Variants in BBS1 observed in about 807,000 individuals in gnomAD.
The protein encoded by BBS1 is BBSome complex member BBS1.
A neutral mutation model predicts 73.9 loss-of-function variants in BBS1; 60 were observed. That is an observed-to-expected ratio of 0.81 (90% CI 0.66 to 1.01). The LOEUF (loss-of-function observed/expected upper bound fraction) is 1.01, where lower values mean the gene tolerates loss of function less well. Among genes scored for constraint, BBS1 ranks in the 50% least tolerant of loss-of-function variants. BBS1 has a pLI of 0.00. For missense variants in BBS1, 718 were observed against 770.3 expected, an observed-to-expected ratio of 0.93 and a Z score of 0.80; for synonymous variants, 283 against 317.4, an observed-to-expected ratio of 0.89 and a Z score of 1.15.
At chr11:66,512,020 G>GTATATATA (rs1565280720) in intron 3 of BBS1, among the ~76,000 whole-genome samples, 116 of 143,244 alleles carry the variant, frequency 8.1e-4, no homozygotes, top group African/African-American at 2.9e-3. Context: ...ATATATATAT[G>GTATATATA]TGTATATATA....
At chr11:66,517,962 C>CTT (rs543068799) in intron 7 of BBS1, among the ~76,000 whole-genome samples, 1 of 136,162 alleles carries the variant, frequency 7.3e-6, no homozygotes, top group Non-Finnish European at 1.6e-5. Flanking sequence ...TTTTTCTTTT[C>CTT]TTTTTTTTTT....
At chr11:66,531,079 G>C in intron 15 of BBS1, 51 bp downstream of exon 15, 1 of 1,610,340 alleles carries the variant, frequency 6.2e-7, no homozygotes, top group Middle Eastern at 1.7e-4. Flanking sequence ...CAGGGCAGGG[G>C]CCTGATGAGA....
At chr11:66,530,819 G>T in intron 14 of BBS1, 75 bp from the exon 15 acceptor site, 1 of 1,596,838 alleles carries the variant, frequency 6.3e-7, no homozygotes, top group Non-Finnish European at 8.6e-7. Context: ...TTGGTGGAAG[G>T]CAGGCAGAGC....
intron 7 of BBS1, among the ~76,000 whole-genome samples, chr11:66,519,213 A>G (rs1856125173): frequency 6.6e-6 from 1 of 152,178 alleles, no homozygotes; most frequent in South Asian, 2.1e-4. Context: ...GAAACTAAAA[A>G]TACAAAAAGT....
chr11:66,523,988 C>A, intron 11 of BBS1, 106 bp downstream of exon 11: 1 of 1,526,564 alleles, frequency 6.6e-7, no homozygotes, highest in Non-Finnish European at 8.9e-7. Context: ...ATTTCAAAAA[C>A]ATTTGTTGAG....
intron 13 of BBS1, chr11:66,529,205 G>GGC: frequency 8.4e-6 from 8 of 957,232 alleles, no homozygotes; most frequent in African/African-American, 1.6e-5. Flanking sequence ...GGCGGGGTGG[G>GGC]CCCTGGAGGT....
intron 9 of BBS1, chr11:66,523,037 GA>G (rs1590765634): frequency 2.5e-6 from 1 of 404,284 alleles, no homozygotes; most frequent in East Asian, 7.1e-5. Context: ...CTAAAATTGA[GA>G]GGCCAGTAAA....
chr11:66,530,442 C>T (rs940192241), intron 14 of BBS1, among the ~76,000 whole-genome samples: 1 of 152,078 alleles, frequency 6.6e-6, no homozygotes, highest in Non-Finnish European at 1.5e-5. Context: ...CAGCAGGGCT[C>T]GGACCAGCCC....
rs775261434 is a variant in BBS1 at position 66,523,608 on chromosome 11, C to T, written c.951+32C>T. On this transcript the variant is annotated intron_variant, in intron 10 of 16. Coordinates refer to ENST00000318312, the MANE Select transcript of BBS1 (RefSeq NM_024649.5). ...CCCCCAGCAAGCAGCAGCCCCTCCA[C>T]GCCTATGTCCCTAGCCCCCACTTGG... 27 of 1,613,690 alleles carry T rather than the reference C, an allele frequency of 1.7e-5. 1 individual carries two copies. The highest frequency in any genetic ancestry group is 3.3e-4 in the Middle Eastern group (2 of 6,082).
intron 13 of BBS1, chr11:66,527,792 G>C (rs1056180740): frequency 1.4e-4 from 22 of 152,278 alleles, no homozygotes; most frequent in African/African-American, 5.3e-4. Context: ...GGAGCACACA[G>C]AGGGAGTAAG....
chr11:66,518,717 G>T (rs1856110194), intron 7 of BBS1, among the ~76,000 whole-genome samples: 1 of 151,058 alleles, frequency 6.6e-6, no homozygotes, highest in Admixed American at 6.6e-5. Flanking sequence ...CTCCCAGAGT[G>T]CTGGGCTTAC....
intron 16 of BBS1, 46 bp downstream of exon 16, chr11:66,531,788 G>A (rs1218488378): frequency 1.2e-6 from 2 of 1,613,932 alleles, no homozygotes; most frequent in Admixed American, 3.3e-5. Context: ...AGGACCCTGG[G>A]GAGGACAGTA....
chr11:66,531,944 T>G lies in BBS1; in HGVS notation c.1696-7T>G. ...TGCCCCCTGCTGCCATGGCCACTCC[T>G]CCATAGGTGCTGGTGCTTCGAGAAG... On this transcript the variant is annotated splice_region_variant and splice_polypyrimidine_tract_variant and intron_variant, in intron 16 of 16. Transcript: ENST00000318312. The G allele has an allele frequency of 6.3e-7, 1 of 1,583,028 alleles. No individual in the cohort carries two copies. The highest frequency in any genetic ancestry group is 1.3e-5 in the African/African-American group (1 of 74,076).
chr11:66,526,058 C>A, intron 11 of BBS1, 65 bp from the exon 12 acceptor site: 1 of 1,470,544 alleles, frequency 6.8e-7, no homozygotes, highest in Non-Finnish European at 9.5e-7. Flanking sequence ...CCTCCCCTAC[C>A]CATCCCCTGT....
At chr11:66,528,102 C>T (rs924195138) in intron 13 of BBS1, among the ~76,000 whole-genome samples, 2 of 152,098 alleles carry the variant, frequency 1.3e-5, no homozygotes, top group Non-Finnish European at 2.9e-5. Flanking sequence ...TGGTGGCACA[C>T]GCCTGTAATC....
rs58220840 is a variant in BBS1 at position 66,518,757 on chromosome 11, C to CTTTT, written c.592-845_592-842dup. ...GTGAGCCACCACGCCCAGCCCTTTT[C>CTTTT]TTTTTTTTTTTTTTTTTTAAGACAG... On this transcript the variant is annotated intron_variant, in intron 7 of 16. Coordinates refer to ENST00000318312, the MANE Select transcript of BBS1 (RefSeq NM_024649.5). Among the ~76,000 whole-genome samples, 3 of 131,622 alleles carry CTTTT rather than the reference C, an allele frequency of 2.3e-5. No individual in the cohort carries two copies. In the South Asian group the frequency reaches 7.3e-4, roughly 32 times the overall value. 86.3% of individuals were successfully genotyped at this position (131,622 alleles called of 152,430 possible).
At chr11:66,517,518 A>C (rs1590758764) in intron 7 of BBS1, among the ~76,000 whole-genome samples, 1 of 142,018 alleles carries the variant, frequency 7.0e-6, no homozygotes, top group South Asian at 2.2e-4. Context: ...GCCAGGCTGG[A>C]GTGCAGTGGT....
chr11:66,528,198 A>G (rs1214263954), intron 13 of BBS1, among the ~76,000 whole-genome samples: 2 of 152,056 alleles, frequency 1.3e-5, no homozygotes, highest in East Asian at 3.9e-4. Flanking sequence ...CCTGGGTGAC[A>G]AGAGCCAGAC....
Position 66,526,151 on chromosome 11 carries a change from G to A in BBS1, c.1139G>A (p.Arg380Gln), listed in dbSNP as rs758139447. 42 of 1,614,050 alleles carry A rather than the reference G, an allele frequency of 2.6e-5. No individual in the cohort carries two copies. Among genetic ancestry groups the A allele is most frequent in the East Asian group, 2.0e-4 (9 of 44,896 alleles). ...PDAVTSLCFG[R>Q]YGREDNTLIM... ...GCAGTGACCAGCCTTTGCTTTGGCC[G>A]GTACGGGCGGGAGGACAACACCCTC... The change falls in exon 12 of 17, where the codon CGG becomes CAG. Residue 380 changes from arginine to glutamine, a missense_variant. Coordinates refer to ENST00000318312, the MANE Select transcript of BBS1 (RefSeq NM_024649.5).
Sources: allele counts gnomAD v4.1 joint callset (sites outside exome capture counted in the v4.1 genomes callset), GRCh38; gene constraint gnomAD v4.1.1; transcripts MANE v1.5; gene names NCBI Gene and HGNC (gene_info 2026-07-23, HGNC 2026-07-21).